The following ADGRL2 variants were observed in gnomAD, a reference collection of about 807,000 sequenced individuals.
The protein encoded by ADGRL2 is adhesion G protein-coupled receptor L2.
In ADGRL2, 44 loss-of-function variants were observed where a neutral mutation model predicts 157.4. The observed-to-expected ratio is 0.28, with a 90% CI of 0.22 to 0.36. ADGRL2 has a LOEUF of 0.36. Ranked by LOEUF, ADGRL2 falls within the 10% of genes least tolerant of loss-of-function variation. ADGRL2 has a pLI of 1.00. For missense variants in ADGRL2, 1,510 were observed against 1,768.9 expected, an observed-to-expected ratio of 0.85 and a Z score of 2.63; for synonymous variants, 585 against 624.7, an observed-to-expected ratio of 0.94 and a Z score of 0.95.
At chr1:81,640,709 A>G (rs1264163243) in intron 3 of ADGRL2, among the ~76,000 whole-genome samples, 1 of 152,034 alleles carries the variant, frequency 6.6e-6, no homozygotes, top group Admixed American at 6.6e-5. Flanking sequence ...CTCCTATACT[A>G]GACCCCAACA....
chr1:81,781,000 A>G (rs2086789683), intron 2 of ADGRL2, among the ~76,000 whole-genome samples: 1 of 152,180 alleles, frequency 6.6e-6, no homozygotes, highest in Non-Finnish European at 1.5e-5. Flanking sequence ...AAATATTTCT[A>G]TCTCTTACAG....
intron 2 of ADGRL2, among the ~76,000 whole-genome samples, chr1:81,837,520 C>T (rs1425124286): frequency 6.6e-6 from 1 of 151,284 alleles, no homozygotes; most frequent in East Asian, 1.9e-4. Flanking sequence ...TTGTTTATAT[C>T]TTTAGCTGTA....
chr1:81,550,267 A>AGCCTT (rs2080114634), intron 2 of ADGRL2, among the ~76,000 whole-genome samples: 2 of 152,210 alleles, frequency 1.3e-5, no homozygotes. Context: ...CAATTTGCAA[A>AGCCTT]GCCTTTTGTA....
chr1:81,596,267 G>A (rs555102395), intron 3 of ADGRL2: 1 of 572,202 alleles, frequency 1.7e-6, no homozygotes, highest in Non-Finnish European at 3.4e-6. Context: ...TTCTCATCCC[G>A]AAATGATCCC....
intron 1 of ADGRL2, among the ~76,000 whole-genome samples, chr1:81,312,017 C>G (rs968296652): frequency 6.6e-6 from 1 of 152,102 alleles, no homozygotes; most frequent in Non-Finnish European, 1.5e-5. Flanking sequence ...ACCTCTGTCA[C>G]TAAATCTTCA....
intron 1 of ADGRL2, among the ~76,000 whole-genome samples, chr1:81,811,872 CTT>C (rs36053827): frequency 2.1e-5 from 3 of 143,460 alleles, no homozygotes; most frequent in Admixed American, 7.0e-5. Flanking sequence ...AGCCGGGCAG[CTT>C]TTTTTTTTTG....
intron 2 of ADGRL2, among the ~76,000 whole-genome samples, chr1:81,871,447 C>T (rs547022942): frequency 6.6e-6 from 1 of 152,210 alleles, no homozygotes; most frequent in Non-Finnish European, 1.5e-5. Flanking sequence ...TGGGTGTATA[C>T]CCAGTAATGG....
chr1:81,886,708 T>C (rs1394093491), intron 2 of ADGRL2, among the ~76,000 whole-genome samples: 2 of 152,234 alleles, frequency 1.3e-5, no homozygotes, highest in Non-Finnish European at 2.9e-5. Context: ...TTTCAACCTA[T>C]GATTTTTATT....
intron 2 of ADGRL2, among the ~76,000 whole-genome samples, chr1:81,477,775 TTAAA>T (rs748802720): frequency 6.6e-6 from 1 of 152,228 alleles, no homozygotes; most frequent in Admixed American, 6.5e-5. Flanking sequence ...AGCTAGAATT[TTAAA>T]TAAGAAGAAA....
chr1:81,863,439 G>GA (rs1331097084), intron 2 of ADGRL2, among the ~76,000 whole-genome samples: 3 of 152,000 alleles, frequency 2.0e-5, no homozygotes, highest in South Asian at 2.1e-4. Context: ...TTCAGAAACA[G>GA]AAAAAAACTC....
intron 2 of ADGRL2, among the ~76,000 whole-genome samples, chr1:81,577,907 T>C (rs1049287991): frequency 1.3e-5 from 2 of 152,166 alleles, no homozygotes; most frequent in African/African-American, 4.8e-5. Context: ...TTTTTAAAAA[T>C]CAGTAAGAAA....
chr1:81,572,423 T>C (rs917725458), intron 2 of ADGRL2, among the ~76,000 whole-genome samples: 2 of 152,200 alleles, frequency 1.3e-5, no homozygotes, highest in Admixed American at 1.3e-4. Context: ...GATCCTGCCC[T>C]TAAGGTGCTT....
chr1:81,802,182 G>A (rs2088296568), intron 1 of ADGRL2, among the ~76,000 whole-genome samples: 1 of 151,822 alleles, frequency 6.6e-6, no homozygotes, highest in Admixed American at 6.6e-5. Flanking sequence ...GTCCCCGCGC[G>A]GCCCCCACGC....
intron 11 of ADGRL2, among the ~76,000 whole-genome samples, chr1:81,963,595 GA>G (rs1240037090): frequency 1.3e-5 from 2 of 151,452 alleles, no homozygotes; most frequent in Non-Finnish European, 3.0e-5. Context: ...TTTTTGTAAA[GA>G]TTTTTTTTTA....
rs141969967 is a variant in ADGRL2 at position 81,827,301 on chromosome 1, G to A, written c.-100-9584G>A. Among the ~76,000 whole-genome samples the A allele has an allele frequency of 5.4e-4, 82 of 152,268 alleles. 1 individual carries two copies. The highest frequency in any genetic ancestry group is 6.8e-3 in the Middle Eastern group (2 of 294). ...TTTCATATGGATAAGTAGCTATGGT[G>A]ACAGGAATTTCAAGAGTTTGAAGCC... On this transcript the variant is annotated intron_variant, in intron 1 of 23. Coordinates refer to ENST00000686636, the MANE Select transcript of ADGRL2 (RefSeq NM_001366006.2).
At chr1:81,397,624 A>C (rs1358114190) in intron 1 of ADGRL2, among the ~76,000 whole-genome samples, 1 of 151,902 alleles carries the variant, frequency 6.6e-6, no homozygotes. Flanking sequence ...CAGCCCTTAT[A>C]ATGTCTCCTT....
intron 17 of ADGRL2, 151 bp from the exon 18 acceptor site, chr1:81,979,718 T>C (rs1166944297): frequency 1.3e-5 from 7 of 555,424 alleles, no homozygotes; most frequent in Non-Finnish European, 1.6e-5. Context: ...ATAGCCAGAG[T>C]ATTTTTTATG....
At chr1:81,967,625 C>A (rs1241094826) in intron 13 of ADGRL2, among the ~76,000 whole-genome samples, 1 of 152,142 alleles carries the variant, frequency 6.6e-6, no homozygotes, top group Non-Finnish European at 1.5e-5. Context: ...GCTAGTGTAT[C>A]TCTTAGAACT....
intron 3 of ADGRL2, among the ~76,000 whole-genome samples, chr1:81,675,015 CA>C (rs1305113585): frequency 6.6e-6 from 1 of 152,118 alleles, no homozygotes; most frequent in Non-Finnish European, 1.5e-5. Flanking sequence ...GATTTCAGGC[CA>C]GGTGCAAGTA....
Sources: allele counts gnomAD v4.1 joint callset (sites outside exome capture counted in the v4.1 genomes callset), GRCh38; gene constraint gnomAD v4.1.1; transcripts MANE v1.5; gene names NCBI Gene and HGNC (gene_info 2026-07-23, HGNC 2026-07-21).